Variants in ERC2 observed in about 807,000 individuals in gnomAD.
ERC2 encodes the protein ERC protein 2.
In ERC2, 42 loss-of-function variants were observed where a neutral mutation model predicts 114.8. That is an observed-to-expected ratio of 0.37 (90% confidence interval 0.29 to 0.47). The LOEUF (loss-of-function observed/expected upper bound fraction) is 0.47. Among genes scored for constraint, ERC2 ranks in the 20% least tolerant of loss-of-function variants. The pLI is 0.99. For synonymous variants in ERC2, 454 were observed against 425.5 expected (o/e 1.07, Z -0.82); for missense variants, 939 against 1,150.7 (o/e 0.82, Z 2.66).
At chr3:55,642,554 C>T (rs780708899) in intron 17 of ERC2, among the ~76,000 whole-genome samples, 52 of 152,122 alleles carry the variant, frequency 3.4e-4, no homozygotes, top group Non-Finnish European at 6.9e-4. Flanking sequence ...AGTCTGGTCT[C>T]GAACTCCTGG....
chr3:56,034,320 C>T (rs1382573943), intron 7 of ERC2, among the ~76,000 whole-genome samples: 1 of 151,964 alleles, frequency 6.6e-6, no homozygotes, highest in Non-Finnish European at 1.5e-5. Flanking sequence ...AACATCAGAA[C>T]ATTTAAATAT....
Position 55,910,416 on chromosome 3 carries a change from A to G in ERC2, c.2404-21867T>C, listed in dbSNP as rs547838721. The stretch of plus-strand genomic sequence containing the variant: ...CAACAAAAAAACAAAAAAACAAAAA[A>G]AACAAAACAAAACAAAAGAAAGCAA... On this transcript the variant is annotated intron_variant, in intron 13 of 17. Transcript: ENST00000288221. Among the ~76,000 whole-genome samples the G allele has an allele frequency of 2.0e-5, 3 of 152,162 alleles. No homozygotes were observed. The South Asian group carries it at 6.2e-4, about 32-fold the overall frequency.
chr3:55,821,801 T>C (rs1278803863), intron 14 of ERC2, among the ~76,000 whole-genome samples: 1 of 152,252 alleles, frequency 6.6e-6, no homozygotes, highest in Non-Finnish European at 1.5e-5. Context: ...AGGCCCTTTA[T>C]GGAGACTATC....
At chr3:55,713,575 C>G (rs544523976) in intron 15 of ERC2, among the ~76,000 whole-genome samples, 85 of 152,294 alleles carry the variant, frequency 5.6e-4, no homozygotes, top group Non-Finnish European at 1.1e-3. Flanking sequence ...AGTTTCATCT[C>G]GCTGAGATGT....
chr3:56,198,780 T>C (rs1002562825), intron 3 of ERC2, among the ~76,000 whole-genome samples: 5 of 150,430 alleles, frequency 3.3e-5, no homozygotes, highest in African/African-American at 1.2e-4. Context: ...AGACTCAGGT[T>C]GAGAATTATT....
intron 6 of ERC2, among the ~76,000 whole-genome samples, chr3:56,126,850 G>GGAAAA (rs2079902512): frequency 6.7e-6 from 1 of 149,428 alleles, no homozygotes; most frequent in Non-Finnish European, 1.5e-5. Flanking sequence ...GGAAAGGAAA[G>GGAAAA]GAAAAGAAAG....
intron 1 of ERC2, among the ~76,000 whole-genome samples, chr3:56,440,696 A>G (rs1321528934): frequency 6.6e-6 from 1 of 152,168 alleles, no homozygotes; most frequent in Non-Finnish European, 1.5e-5. Flanking sequence ...AATTCCTTTT[A>G]AGTGTGTATG....
chr3:55,883,364 CA>C (rs2063200045), intron 14 of ERC2, among the ~76,000 whole-genome samples: 3 of 152,120 alleles, frequency 2.0e-5, no homozygotes, highest in African/African-American at 7.2e-5. Context: ...GCACATGTCC[CA>C]AAATGATATA....
intron 2 of ERC2, among the ~76,000 whole-genome samples, chr3:56,352,215 C>T (rs1364858533): frequency 6.6e-6 from 1 of 152,144 alleles, no homozygotes; most frequent in African/African-American, 2.4e-5. Context: ...AGACTGGAGG[C>T]AGGTCAAGAG....
chr3:55,574,123 T>C (rs1282532086), intron 17 of ERC2, among the ~76,000 whole-genome samples: 1 of 152,180 alleles, frequency 6.6e-6, no homozygotes, highest in Admixed American at 6.5e-5. Flanking sequence ...GCATGTGCTA[T>C]TTTTTATCCT....
chr3:56,384,327 A>G (rs62255909), intron 2 of ERC2, among the ~76,000 whole-genome samples: 41,837 of 152,094 alleles, frequency 0.28, 6,006 homozygotes, highest in Non-Finnish European at 0.31. Context: ...CCATCAATGC[A>G]CAAAAGTTTC....
intron 14 of ERC2, among the ~76,000 whole-genome samples, chr3:55,843,166 C>T (rs1232124511): frequency 2.0e-5 from 3 of 152,166 alleles, no homozygotes; most frequent in African/African-American, 7.2e-5. Context: ...ACAAAGCATC[C>T]AGCCTGTGCC....
intron 3 of ERC2, among the ~76,000 whole-genome samples, chr3:56,206,396 A>AG (rs1235401820): frequency 6.6e-6 from 1 of 152,072 alleles, no homozygotes; most frequent in Non-Finnish European, 1.5e-5. Flanking sequence ...ATAAGTCAAC[A>AG]TATGAAAAGC....
intron 17 of ERC2, among the ~76,000 whole-genome samples, chr3:55,626,252 T>G (rs992750797): frequency 1.3e-5 from 2 of 152,088 alleles, no homozygotes; most frequent in African/African-American, 4.8e-5. Context: ...CTTGAGGTAT[T>G]TGGAAAACAA....
At chr3:56,043,324 G>T (rs1415172339) in intron 7 of ERC2, among the ~76,000 whole-genome samples, 4 of 152,078 alleles carry the variant, frequency 2.6e-5, no homozygotes, top group Non-Finnish European at 5.9e-5. Flanking sequence ...AAGTACATTT[G>T]CACACATTGA....
Position 55,621,289 on chromosome 3 carries a change from T to A in ERC2, c.*39+62505A>T, listed in dbSNP as rs1026219664. On this transcript the variant is annotated intron_variant, in intron 17 of 17. Transcript: ENST00000288221. Reference sequence around the variant, plus strand: ...GGCTGGTTAAACGCCCAGCTGGGAATGCCAGACTTCCACATGCATAACATG... The same window carrying A: ...GGCTGGTTAAACGCCCAGCTGGGAAAGCCAGACTTCCACATGCATAACATG... 3.9e-5 allele frequency among the ~76,000 whole-genome samples: 6 copies of A among 152,166 alleles called. 1 individual carries two copies. Among genetic ancestry groups the A allele is most frequent in the Admixed American group, 3.3e-4 (5 of 15,284 alleles).
At chr3:55,526,962 C>T (rs761351162) in intron 17 of ERC2, among the ~76,000 whole-genome samples, 10 of 152,216 alleles carry the variant, frequency 6.6e-5, no homozygotes, top group Middle Eastern at 3.2e-3. Flanking sequence ...CAGGAGCACA[C>T]GTGTCTCCAC....
At chr3:56,053,107 G>C (rs1014427339) in intron 7 of ERC2, among the ~76,000 whole-genome samples, 2 of 152,208 alleles carry the variant, frequency 1.3e-5, no homozygotes, top group African/African-American at 4.8e-5. Flanking sequence ...AATCAAGGAA[G>C]CCTGATGCTC....
chr3:55,664,201 C>T (rs1046842516), intron 17 of ERC2, among the ~76,000 whole-genome samples: 2 of 152,064 alleles, frequency 1.3e-5, no homozygotes, highest in African/African-American at 2.4e-5. Flanking sequence ...CTGTTAGAAA[C>T]GTAAAATCTC....
Sources: allele counts gnomAD v4.1 joint callset (sites outside exome capture counted in the v4.1 genomes callset), GRCh38; gene constraint gnomAD v4.1.1; transcripts MANE v1.5; gene names NCBI Gene and HGNC (gene_info 2026-07-23, HGNC 2026-07-21).